The following CHIT1 variants were observed in gnomAD, a reference collection of about 807,000 sequenced individuals.
The protein encoded by CHIT1 is chitotriosidase-1.
A neutral mutation model predicts 52.0 loss-of-function variants in CHIT1; 47 were observed. The ratio of observed to expected loss-of-function variants is 0.90; its 90% CI spans 0.71 to 1.15. The LOEUF (loss-of-function observed/expected upper bound fraction) is 1.15, where lower values mean the gene tolerates loss of function less well. Among genes scored for constraint, CHIT1 ranks in the 50% most tolerant of loss-of-function variants. The pLI, the probability that CHIT1 is intolerant of heterozygous loss-of-function variation, is 0.00. For synonymous variants in CHIT1, 242 were observed against 228.2 expected, an observed-to-expected ratio of 1.06 and a Z score of -0.54; for missense variants, 569 against 583.0, an observed-to-expected ratio of 0.98 and a Z score of 0.25.
At position 203,219,397 on chromosome 1, in the gene CHIT1, CAGG is replaced by C. The variant is rs945289647; in HGVS notation, c.916-71_916-69del. The C allele has an allele frequency of 8.2e-6, 8 of 981,230 alleles. 1 individual carries two copies. The Admixed American group carries it at 8.5e-5, about 10-fold the overall frequency. The allele number at this position is 981,230 out of a possible 1,614,324, so 60.8% of individuals were successfully genotyped here. ...CTTGCAGGCACCTTCCCTTCCTCAC[CAGG>C]AGGAGACTAGAGATTGGAAAATTCC... On this transcript the variant is annotated intron_variant, in intron 8 of 10. Coordinates refer to ENST00000367229, the MANE Select transcript of CHIT1 (RefSeq NM_003465.3).
At chr1:203,225,182 G>C in intron 3 of CHIT1, 78 bp from the exon 4 acceptor site, 1 of 1,330,996 alleles carries the variant, frequency 7.5e-7, no homozygotes. Flanking sequence ...ACAGTGGGGA[G>C]GAACAACAGG....
chr1:203,227,580 A>G (rs1289344589), intron 2 of CHIT1, among the ~76,000 whole-genome samples: 1 of 152,176 alleles, frequency 6.6e-6, no homozygotes, highest in Non-Finnish European at 1.5e-5. Flanking sequence ...AGACCATTGG[A>G]CCTTCCACAA....
At position 203,217,776 on chromosome 1, in the gene CHIT1, G is replaced by A; in HGVS notation, c.1119C>T (p.Gly373=). 6 of 1,611,770 alleles carry A rather than the reference G, an allele frequency of 3.7e-6. No individual in the cohort carries two copies. The highest frequency in any genetic ancestry group is 4.2e-6 in the Non-Finnish European group (5 of 1,179,128). The part of the protein sequence containing the change: ...DDFAGFSCNQ[G]RYPLIQTLRQ... ...GTAGCGTCTGGATGAGGGGGTATCG[G>A]CCCTGGTTGCAGGAGAAGCCGGCAA... The change falls in exon 10 of 11, where the codon GGC becomes GGT. Residue 373 remains glycine (G), a synonymous_variant. Coordinates refer to ENST00000367229, the MANE Select transcript of CHIT1 (RefSeq NM_003465.3).
In CHIT1 at chr1:203,225,039, T is replaced by G; in HGVS notation, c.314+9A>C. On this transcript the variant is annotated intron_variant, in intron 4 of 10. Transcript: ENST00000367229. ...AGCTTTACCACACAGGTGACCACAG[T>G]CAACTAACTTCTGAGTGCCGAAATT... 1 of 1,613,198 alleles carries G rather than the reference T, an allele frequency of 6.2e-7. No homozygotes were observed. The highest frequency in any genetic ancestry group is 1.7e-5 in the Admixed American group (1 of 59,980).
Position 203,217,152 on chromosome 1 carries a change from T to C in CHIT1, c.1157-19A>G, listed in dbSNP as rs371094799. ...GGAAGACCTGGGAAGACAGTGAAGA[T>C]TCAACCAAGGCTCCCCCGAAGAGAT... On this transcript the variant is annotated intron_variant, in intron 10 of 10. Coordinates refer to ENST00000367229, the MANE Select transcript of CHIT1 (RefSeq NM_003465.3). The C allele has an allele frequency of 3.1e-5, 49 of 1,600,906 alleles. No homozygotes were observed. Among genetic ancestry groups the C allele is most frequent in the Non-Finnish European group, 4.0e-5 (47 of 1,179,892 alleles).
intron 7 of CHIT1, 51 bp from the exon 8 acceptor site, chr1:203,219,900 TTATC>T: frequency 6.2e-7 from 1 of 1,601,114 alleles, no homozygotes; most frequent in Non-Finnish European, 8.5e-7. Context: ...CTGGTTCTGA[TTATC>T]TAAGTCTGGG....
chr1:203,225,139 T>C, intron 3 of CHIT1, 35 bp from the exon 4 acceptor site: 1 of 1,608,846 alleles, frequency 6.2e-7, no homozygotes, highest in Non-Finnish European at 8.5e-7. Flanking sequence ...GGATTTACTC[T>C]GCCAGCTCCC....
chr1:203,225,695 G>GTAGA lies in CHIT1; in HGVS notation c.227_230dup (p.Gln78LeufsTer57), dbSNP rs1298419145. ...TCTTCTTCAGGCCATTGAACTCCTG[G>GTAGA]TAGAGAGTCTCGTCATTCCACTCAG... On this transcript the variant is annotated frameshift_variant, in exon 3 of 11. Transcript: ENST00000367229. LOFTEE classifies it high-confidence loss of function. The GTAGA allele has an allele frequency of 4.3e-6, 7 of 1,613,916 alleles. No homozygotes were observed. Among genetic ancestry groups the GTAGA allele is most frequent in the Non-Finnish European group, 5.9e-6 (7 of 1,179,956 alleles).
chr1:203,229,826 G>A (rs1657071272), upstream of CHIT1: 2 of 688,706 alleles, frequency 2.9e-6, no homozygotes, highest in African/African-American at 3.5e-5. Context: ...TGACACAATG[G>A]CCTTTAGCAA....
rs1025349874 is a variant in CHIT1 at position 203,229,506 on chromosome 1, C to T, written c.25+106G>A. ...GGATAAAATGACCCTCTGAAGTTCT[C>T]CTGAGTCCTCCTGCTTCCTTGCAAA... On this transcript the variant is annotated intron_variant, in intron 1 of 10. Transcript: ENST00000367229. The T allele has an allele frequency of 1.7e-4, 232 of 1,339,104 alleles. 1 individual carries two copies. In the South Asian group the frequency reaches 2.1e-3, roughly 12 times the overall value. The allele number at this position is 1,339,104 out of a possible 1,614,324, so 83.0% of individuals were successfully genotyped here. A position where few individuals can be genotyped will look rare whatever the true frequency, so the allele number is the denominator to read the frequency against.
intron 1 of CHIT1, 130 bp from the exon 2 acceptor site, chr1:203,228,692 G>T: frequency 9.2e-7 from 1 of 1,089,328 alleles, no homozygotes; most frequent in Non-Finnish European, 1.4e-6. Flanking sequence ...TCTCCTTTCA[G>T]AAGGGACCCA....
At chr1:203,229,755 G>T (rs539757534), upstream of CHIT1, 119 of 1,166,686 alleles carry the variant, frequency 1.0e-4, no homozygotes, top group East Asian at 1.8e-4. Context: ...GGCACTGGGT[G>T]GGGGGGATGG....
chr1:203,217,809 T>C lies in CHIT1; in HGVS notation c.1086A>G (p.Leu362=), dbSNP rs745875622. ...LGGAMVWALD[L]DDFAGFSCNQ... Reference sequence around the variant, plus strand: ...TGCAGGAGAAGCCGGCAAAGTCATCTAAGTCCAGTGCCCAGACCATGGCCC... The same window carrying C: ...TGCAGGAGAAGCCGGCAAAGTCATCCAAGTCCAGTGCCCAGACCATGGCCC... The change falls in exon 10 of 11, where the codon TTA becomes TTG. Residue 362 remains leucine, a synonymous_variant. Transcript: ENST00000367229. The C allele has an allele frequency of 8.2e-7, 1 of 1,226,266 alleles. No homozygotes were observed. 76.0% of individuals were successfully genotyped at this position (1,226,266 alleles called of 1,614,324 possible).
At chr1:203,217,391 A>G (rs1279025112) in intron 10 of CHIT1, 1 of 1,492,436 alleles carries the variant, frequency 6.7e-7, no homozygotes, top group Non-Finnish European at 8.9e-7. Context: ...ACAACCATAT[A>G]CTGCTGAGGG....
chr1:203,227,069 C>A (rs541706292), intron 2 of CHIT1, among the ~76,000 whole-genome samples: 1 of 152,194 alleles, frequency 6.6e-6, no homozygotes, highest in Admixed American at 6.5e-5. Flanking sequence ...TCTGTACCCC[C>A]TCCAATGCCC....
chr1:203,228,466 A>G (rs887928383), intron 2 of CHIT1, 67 bp downstream of exon 2: 3 of 1,505,174 alleles, frequency 2.0e-6, no homozygotes, highest in African/African-American at 2.8e-5. Flanking sequence ...CTGGCAGGGA[A>G]GGTGTTTTGG....
chr1:203,229,766 G>GC, upstream of CHIT1: 5 of 1,014,064 alleles, frequency 4.9e-6, no homozygotes, highest in Non-Finnish European at 7.6e-6. Context: ...GGGGGGATGG[G>GC]AGCAGGGTGG....
intron 6 of CHIT1, 50 bp from the exon 7 acceptor site, chr1:203,222,375 G>T (rs879217460): frequency 1.2e-6 from 2 of 1,613,542 alleles, no homozygotes; most frequent in Non-Finnish European, 1.7e-6. Context: ...TGGGGGTGGG[G>T]TAGCCCTTCT....
chr1:203,217,396 T>C, intron 10 of CHIT1: 3 of 1,493,942 alleles, frequency 2.0e-6, no homozygotes, highest in East Asian at 2.7e-5. Flanking sequence ...CATATACTGC[T>C]GAGGGCAGGT....
Sources: gnomAD v4.1 joint callset for allele counts (sites outside exome capture counted in the v4.1 genomes callset) on GRCh38, gnomAD v4.1.1 for gene constraint, MANE v1.5 for transcripts, NCBI Gene and HGNC (gene_info 2026-07-23, HGNC 2026-07-21) for gene names.